Variants in SGCD observed in about 807,000 individuals in gnomAD.
SGCD encodes sarcoglycan delta, also known as delta-sarcoglycan.
A neutral mutation model predicts 36.6 loss-of-function variants in SGCD; 18 were observed. The ratio of observed to expected loss-of-function variants is 0.49; its 90% CI spans 0.34 to 0.73. The LOEUF (loss-of-function observed/expected upper bound fraction) is 0.73. Among genes scored for constraint, SGCD ranks in the 30% least tolerant of loss-of-function variants. SGCD has a pLI of 0.01. For synonymous variants in SGCD, 133 were observed against 130.6 expected (o/e 1.02, Z -0.12); for missense variants, 387 against 346.7 (o/e 1.12, Z -0.92).
At chr5:156,204,592 G>A (rs1414324879) in intron 3 of SGCD, among the ~76,000 whole-genome samples, 2 of 151,946 alleles carry the variant, frequency 1.3e-5, no homozygotes, top group Non-Finnish European at 2.9e-5. Context: ...GTCAGCGTAT[G>A]GGATCTTGGC....
At chr5:156,021,161 A>T (rs1214032120) in intron 1 of SGCD, among the ~76,000 whole-genome samples, 1 of 152,214 alleles carries the variant, frequency 6.6e-6, no homozygotes, top group Non-Finnish European at 1.5e-5. Context: ...GCAAGTTTTT[A>T]ATACATTCTC....
chr5:155,767,206 C>T, the SGCD span, among the ~76,000 whole-genome samples: 5 of 152,224 alleles, frequency 3.3e-5, no homozygotes, highest in African/African-American at 4.8e-5. Flanking sequence ...GCTGCTGGTG[C>T]GCTTTCCATC....
intron 1 of SGCD, among the ~76,000 whole-genome samples, chr5:156,019,171 TACTC>T (rs549773045): frequency 3.9e-5 from 6 of 152,360 alleles, no homozygotes; most frequent in African/African-American, 1.2e-4. Context: ...GAAATTCTAA[TACTC>T]ACATATTTCA....
chr5:156,669,887 G>C (rs1278875865), intron 7 of SGCD, among the ~76,000 whole-genome samples: 1 of 152,006 alleles, frequency 6.6e-6, no homozygotes, highest in African/African-American at 2.4e-5. Flanking sequence ...TTAAATTTAA[G>C]TAGGTATTGG....
chr5:156,511,797 A>G (rs1232065114), intron 4 of SGCD, among the ~76,000 whole-genome samples: 1 of 152,230 alleles, frequency 6.6e-6, no homozygotes, highest in Non-Finnish European at 1.5e-5. Context: ...TGCTGTACCT[A>G]GCACATAGTA....
the SGCD span, among the ~76,000 whole-genome samples, chr5:155,841,874 C>T: frequency 6.6e-6 from 1 of 152,070 alleles, no homozygotes; most frequent in Non-Finnish European, 1.5e-5. Context: ...CAGTCCTGGC[C>T]AATCATATGG....
chr5:155,942,692 A>G (rs4704880), intron 1 of SGCD, among the ~76,000 whole-genome samples: 21,921 of 150,628 alleles, frequency 0.15, 2,361 homozygotes, highest in Admixed American at 0.36. Flanking sequence ...ACAGAAACAG[A>G]TTTCAGAGGA....
At position 156,631,011 on chromosome 5, in the gene SGCD, T is replaced by C. The variant is rs183184574; in HGVS notation, c.503-16453T>C. ...AAACAAATAAATGAGAAAATATACC[T>C]GCCCCAGCCAAGGAAGGGCAATATG... On this transcript the variant is annotated intron_variant, in intron 6 of 8. Coordinates refer to ENST00000337851, the MANE Select transcript of SGCD (RefSeq NM_000337.6). 1.3e-3 allele frequency among the ~76,000 whole-genome samples: 191 copies of C among 152,296 alleles called. 1 individual carries two copies. Among genetic ancestry groups the C allele is most frequent in the Non-Finnish European group, 1.9e-3 (126 of 68,022 alleles).
At chr5:155,825,310 G>A in the SGCD span, among the ~76,000 whole-genome samples, 1 of 152,160 alleles carries the variant, frequency 6.6e-6, no homozygotes, top group Non-Finnish European at 1.5e-5. Flanking sequence ...AGAGGGTCCC[G>A]AACAATGATT....
chr5:156,712,994 G>A (rs561270687), intron 7 of SGCD, among the ~76,000 whole-genome samples: 257 of 152,242 alleles, frequency 1.7e-3, no homozygotes, highest in African/African-American at 5.5e-3. Context: ...TTCCCACATG[G>A]TAGGGTCTGA....
At chr5:156,470,374 G>A (rs1031626186) in intron 3 of SGCD, among the ~76,000 whole-genome samples, 2 of 151,904 alleles carry the variant, frequency 1.3e-5, no homozygotes, top group African/African-American at 4.8e-5. Flanking sequence ...TTAAGTTTTA[G>A]GGTAGATGTG....
At chr5:156,576,406 G>T (rs112881066) in intron 4 of SGCD, among the ~76,000 whole-genome samples, 2 of 152,132 alleles carry the variant, frequency 1.3e-5, no homozygotes, top group Non-Finnish European at 2.9e-5. Flanking sequence ...TGTCTTTATA[G>T]TAGCATGATT....
At chr5:156,515,311 C>T (rs905567171) in intron 4 of SGCD, among the ~76,000 whole-genome samples, 1 of 152,064 alleles carries the variant, frequency 6.6e-6, no homozygotes, top group Non-Finnish European at 1.5e-5. Context: ...CATTTTATAA[C>T]ATAGCAAAAG....
intron 3 of SGCD, among the ~76,000 whole-genome samples, chr5:156,166,567 G>A (rs924586624): frequency 2.6e-5 from 4 of 152,116 alleles, no homozygotes; most frequent in Admixed American, 6.5e-5. Flanking sequence ...TGATCCGCCC[G>A]CCTCGGCCTC....
chr5:156,234,876 T>C (rs1765116363), intron 3 of SGCD, among the ~76,000 whole-genome samples: 1 of 152,168 alleles, frequency 6.6e-6, no homozygotes, highest in Non-Finnish European at 1.5e-5. Context: ...GTTGTAATCA[T>C]ATGATTCCAT....
intron 3 of SGCD, among the ~76,000 whole-genome samples, chr5:156,258,477 A>G (rs374135286): frequency 6.6e-5 from 10 of 152,326 alleles, no homozygotes; most frequent in African/African-American, 2.4e-4. Context: ...ATTGCAGCCA[A>G]CTTTTAAGAA....
intron 6 of SGCD, among the ~76,000 whole-genome samples, chr5:156,607,831 G>A (rs1326010901): frequency 3.3e-5 from 5 of 152,168 alleles, no homozygotes; most frequent in African/African-American, 1.2e-4. Flanking sequence ...GTTTATTTGT[G>A]TAGAGGTGTT....
At chr5:156,105,433 A>T (rs1169633474) in intron 1 of SGCD, among the ~76,000 whole-genome samples, 1 of 152,206 alleles carries the variant, frequency 6.6e-6, no homozygotes, top group Non-Finnish European at 1.5e-5. Context: ...TGGGCAAGTA[A>T]ATAATTAATG....
the SGCD span, among the ~76,000 whole-genome samples, chr5:155,778,067 T>G: frequency 6.6e-6 from 1 of 152,192 alleles, no homozygotes; most frequent in Non-Finnish European, 1.5e-5. Context: ...TTGCATGTAC[T>G]TCTTGGCATT....
Sources: allele counts gnomAD v4.1 joint callset (sites outside exome capture counted in the v4.1 genomes callset), GRCh38; gene constraint gnomAD v4.1.1; transcripts MANE v1.5; gene names NCBI Gene and HGNC (gene_info 2026-07-23, HGNC 2026-07-21).